The following CNST variants were observed in gnomAD, a reference collection of about 807,000 sequenced individuals.
The protein encoded by CNST is consortin, connexin sorting protein.
In CNST, 39 loss-of-function variants were observed where a neutral mutation model predicts 72.4. That is an observed-to-expected ratio of 0.54 (90% CI 0.42 to 0.70). The LOEUF is 0.70. Ranked by LOEUF, CNST falls within the 30% of genes least tolerant of loss-of-function variation. CNST has a pLI of 0.00. For synonymous variants in CNST, 332 were observed against 320.1 expected (o/e 1.04, Z -0.40); for missense variants, 871 against 868.5 (o/e 1.00, Z -0.04).
At chr1:246,632,991 C>T (rs1474986614) in intron 4 of CNST, among the ~76,000 whole-genome samples, 2 of 152,174 alleles carry the variant, frequency 1.3e-5, no homozygotes, top group Non-Finnish European at 2.9e-5. Context: ...ATGTAGATTC[C>T]AGGATTCCAT....
intron 6 of CNST, among the ~76,000 whole-genome samples, chr1:246,640,642 C>T (rs530332551): frequency 1.1e-4 from 16 of 152,094 alleles, no homozygotes; most frequent in Non-Finnish European, 2.2e-4. Context: ...CTCCTTTTCT[C>T]TCAGAATCAT....
At chr1:246,583,219 T>C (rs1275005225) in intron 1 of CNST, among the ~76,000 whole-genome samples, 2 of 152,260 alleles carry the variant, frequency 1.3e-5, no homozygotes, top group African/African-American at 4.8e-5. Flanking sequence ...CTGTTTACTT[T>C]CTCTGTGTCT....
rs573860049 is a variant in CNST at position 246,574,081 on chromosome 1, C to T, written c.-52+7418C>T. On this transcript the variant is annotated intron_variant, in intron 1 of 10. Coordinates refer to ENST00000366513, the MANE Select transcript of CNST (RefSeq NM_152609.3). ...ATAAAACTGAGTCTCGCTCTGTTGCCCAGGCTGGAGTGCAGTGGCGTGATC... is the reference window on the plus strand; with the variant it reads ...ATAAAACTGAGTCTCGCTCTGTTGCTCAGGCTGGAGTGCAGTGGCGTGATC... 2.0e-5 allele frequency among the ~76,000 whole-genome samples: 3 copies of T among 152,260 alleles called. No individual in the cohort carries two copies. The East Asian group carries it at 5.8e-4, about 29-fold the overall frequency.
chr1:246,620,743 A>C (rs1303627534), intron 2 of CNST, among the ~76,000 whole-genome samples: 22 of 127,646 alleles, frequency 1.7e-4, no homozygotes, highest in South Asian at 2.8e-4. Context: ...TGGGAACACT[A>C]CAGGGAGGAC....
intron 9 of CNST, among the ~76,000 whole-genome samples, chr1:246,658,914 T>C (rs1572254316): frequency 6.6e-6 from 1 of 152,260 alleles, no homozygotes; most frequent in East Asian, 1.9e-4. Context: ...CTCTCCCACC[T>C]GCTCCTCTTC....
intron 1 of CNST, among the ~76,000 whole-genome samples, chr1:246,585,234 G>A (rs527438352): frequency 8.5e-5 from 13 of 152,052 alleles, no homozygotes; most frequent in Non-Finnish European, 1.2e-4. Context: ...CAGCTTTTCC[G>A]GCTTCCAAAC....
In CNST at chr1:246,647,815, C is replaced by G; in HGVS notation, c.1614C>G (p.Asp538Glu). The G allele has an allele frequency of 3.1e-6, 5 of 1,614,072 alleles. No homozygotes were observed. The highest frequency in any genetic ancestry group is 4.2e-6 in the Non-Finnish European group (5 of 1,179,998). ...MAPEEKGDKD[D>E]QLNKETEDYL... ...CAGAGGAAAAGGGAGATAAAGACGA[C>G]CAACTCAACAAAGAAACAGAAGACT... The change falls in exon 9 of 11, where the codon GAC becomes GAG. Residue 538 changes from aspartate to glutamate, a missense_variant. Physicochemically the swap from Asp to Glu is conservative, Grantham distance 45. Transcript: ENST00000366513.
intron 1 of CNST, among the ~76,000 whole-genome samples, chr1:246,578,892 G>C (rs1052022366): frequency 1.3e-5 from 2 of 152,128 alleles, no homozygotes; most frequent in Non-Finnish European, 2.9e-5. Context: ...GTTTGACTTT[G>C]GATGAGTTGC....
rs560846823 is a variant in CNST, at chr1:246,605,202, A to C, written c.379+13261A>C. Among the ~76,000 whole-genome samples, 13 of 152,352 alleles carry C rather than the reference A, an allele frequency of 8.5e-5. No homozygotes were observed. In the South Asian group the frequency reaches 2.7e-3, roughly 32 times the overall value. On this transcript the variant is annotated intron_variant, in intron 2 of 10. Coordinates refer to ENST00000366513, the MANE Select transcript of CNST (RefSeq NM_152609.3). ...ATATTAGCAAAGTCAGTGTACTTCC[A>C]ATGGATAAACAATGAATTTAATCGG...
intron 5 of CNST, 46 bp from the exon 6 acceptor site, chr1:246,634,427 A>G (rs1241268770): frequency 1.7e-6 from 2 of 1,174,040 alleles, no homozygotes; most frequent in African/African-American, 1.6e-5. Flanking sequence ...TTTGCTCCTA[A>G]ATATGTTTTA....
rs185239713 is a variant in CNST, at chr1:246,583,110, A to C, written c.-51-8402A>C. 2.8e-3 allele frequency among the ~76,000 whole-genome samples: 426 copies of C among 152,330 alleles called. 1 individual carries two copies. Among genetic ancestry groups the C allele is most frequent in the African/African-American group, 9.9e-3 (412 of 41,568 alleles). On this transcript the variant is annotated intron_variant, in intron 1 of 10. Coordinates refer to ENST00000366513, the MANE Select transcript of CNST (RefSeq NM_152609.3). Reference sequence around the variant, plus strand: ...TTGGCTGATTTAATACCTCATGAATATCAGTACCTTCATGAGTATTTTGTG... The same window carrying C: ...TTGGCTGATTTAATACCTCATGAATCTCAGTACCTTCATGAGTATTTTGTG...
At chr1:246,645,022 A>G (rs537779574) in intron 8 of CNST, among the ~76,000 whole-genome samples, 1 of 152,262 alleles carries the variant, frequency 6.6e-6, no homozygotes, top group South Asian at 2.1e-4. Flanking sequence ...GGGGAGAGAG[A>G]AGGAAGGCTG....
Position 246,642,137 on chromosome 1 carries a change from T to G in CNST, c.937+100T>G, listed in dbSNP as rs1665753658. 2.0e-5 allele frequency: 10 copies of G among 509,358 alleles called. No individual in the cohort carries two copies. In the South Asian group the frequency reaches 2.4e-4, roughly 12 times the overall value. The allele number at this position is 509,358 out of a possible 1,614,324, so 31.6% of individuals were successfully genotyped here. On this transcript the variant is annotated intron_variant, in intron 8 of 10. Coordinates refer to ENST00000366513, the MANE Select transcript of CNST (RefSeq NM_152609.3). ...TGAATTGCTGCAAAGGATCTGGTTT[T>G]TTTTTTTTTTTTTTTTTGCACTTAC...
chr1:246,585,123 T>A (rs1035880494), intron 1 of CNST, among the ~76,000 whole-genome samples: 3 of 152,088 alleles, frequency 2.0e-5, no homozygotes, highest in Non-Finnish European at 2.9e-5. Flanking sequence ...CTGGGGAGTA[T>A]CACTTTTAGG....
intron 6 of CNST, among the ~76,000 whole-genome samples, chr1:246,634,915 A>G (rs1665057645): frequency 6.9e-6 from 1 of 144,456 alleles, no homozygotes; most frequent in Non-Finnish European, 1.5e-5. Flanking sequence ...TGTAACGGCT[A>G]CGTGGTACCT....
At chr1:246,637,797 G>A (rs574010699) in intron 6 of CNST, among the ~76,000 whole-genome samples, 1 of 152,322 alleles carries the variant, frequency 6.6e-6, no homozygotes, top group East Asian at 1.9e-4. Context: ...GTGTGAAACG[G>A]GGAATTGTAT....
Position 246,621,409 on chromosome 1 carries a change from A to G in CNST, c.380-20A>G, listed in dbSNP as rs1664079878. 1 of 1,567,636 alleles carries G rather than the reference A, an allele frequency of 6.4e-7. No individual in the cohort carries two copies. On this transcript the variant is annotated intron_variant, in intron 2 of 10. Coordinates refer to ENST00000366513, the MANE Select transcript of CNST (RefSeq NM_152609.3). ...CATGGGAATTGATCCTAACATAGGC[A>G]TTTTCTTTACTTCTTAAAGGACTTT...
chr1:246,647,625 A>G lies in CNST; in HGVS notation c.1424A>G (p.Gln475Arg). 1 of 1,614,222 alleles carries G rather than the reference A, an allele frequency of 6.2e-7. No homozygotes were observed. The highest frequency in any genetic ancestry group is 2.2e-5 in the East Asian group (1 of 44,888). The change falls in exon 9 of 11, where the codon CAA becomes CGA. Residue 475 changes from glutamine (Q) to arginine (R), a missense_variant. Physicochemically the swap from Gln to Arg is conservative, Grantham distance 43. Coordinates refer to ENST00000366513, the MANE Select transcript of CNST (RefSeq NM_152609.3). ...RDASEALPTDQLENNELNELQ... is the reference protein window; with the variant it reads ...RDASEALPTDRLENNELNELQ... ...GCTTCTGAGGCGTTGCCCACAGACC[A>G]ACTTGAGAACAATGAATTAAATGAG...
chr1:246,596,485 A>G (rs1558542098), intron 2 of CNST, among the ~76,000 whole-genome samples: 1 of 152,178 alleles, frequency 6.6e-6, no homozygotes, highest in African/African-American at 2.4e-5. Flanking sequence ...ACTAATGACC[A>G]TTACTTATTT....
Sources: gnomAD v4.1 joint callset for allele counts (sites outside exome capture counted in the v4.1 genomes callset) on GRCh38, gnomAD v4.1.1 for gene constraint, MANE v1.5 for transcripts, NCBI Gene and HGNC (gene_info 2026-07-23, HGNC 2026-07-21) for gene names.